POLR3A: variants seen among roughly 807,000 people sequenced by gnomAD.
The protein encoded by POLR3A is RNA polymerase III subunit A.
POLR3A carries 112 observed loss-of-function variants against 152.8 expected under a neutral mutation model. That is an observed-to-expected ratio of 0.73 (90% CI 0.63 to 0.86). The LOEUF (loss-of-function observed/expected upper bound fraction) is 0.86. POLR3A is among the 40% of genes least tolerant of loss of function. The pLI is 0.00. For synonymous variants in POLR3A, 615 were observed against 652.1 expected, an observed-to-expected ratio of 0.94 and a Z score of 0.87; for missense variants, 1,385 against 1,743.1, an observed-to-expected ratio of 0.79 and a Z score of 3.66.
rs1318884577 is a variant in POLR3A, at chr10:78,010,533, G to A, written c.1580C>T (p.Ala527Val). 1 of 1,613,704 alleles carries A rather than the reference G, an allele frequency of 6.2e-7. No individual in the cohort carries two copies. The highest frequency in any genetic ancestry group is 1.7e-5 in the Admixed American group (1 of 60,000). Residue 527 changes from alanine to valine, a missense_variant, in exon 12 of 31, where the codon GCA becomes GTA. Ala to Val is a moderately conservative substitution (Grantham distance 64, BLOSUM62 0). Coordinates refer to ENST00000372371, the MANE Select transcript of POLR3A (RefSeq NM_007055.4). ...CCCATTCCTCGGGGTTACAAGATTTGCTTTAGTCTGTAGGAAAAGTAAGCG... is the reference window on the plus strand; with the variant it reads ...CCCATTCCTCGGGGTTACAAGATTTACTTTAGTCTGTAGGAAAAGTAAGCG... Reference protein sequence around the residue: ...AEALVLMGTKANLVTPRNGEP... With the variant: ...AEALVLMGTKVNLVTPRNGEP...
intron 29 of POLR3A, among the ~76,000 whole-genome samples, chr10:77,980,704 A>G (rs1847133074): frequency 6.6e-6 from 1 of 152,244 alleles, no homozygotes; most frequent in South Asian, 2.1e-4. Flanking sequence ...AACAAGATGG[A>G]AAACATTTGT....
chr10:78,006,315 T>C (rs946403343), intron 15 of POLR3A, among the ~76,000 whole-genome samples: 2 of 145,470 alleles, frequency 1.4e-5, no homozygotes, highest in African/African-American at 5.2e-5. Context: ...GAGAATCACT[T>C]GAGCCTGGGA....
intron 2 of POLR3A, 73 bp from the exon 3 acceptor site, chr10:78,025,832 G>A: frequency 7.2e-7 from 1 of 1,384,776 alleles, no homozygotes; most frequent in Non-Finnish European, 1.0e-6. Flanking sequence ...ATCATGCCTG[G>A]CTGGTGACAC....
chr10:78,009,704 G>A, intron 13 of POLR3A, 29 bp from the exon 14 acceptor site: 1 of 1,614,182 alleles, frequency 6.2e-7, no homozygotes, highest in Non-Finnish European at 8.5e-7. Flanking sequence ...CTGAGAGTCA[G>A]TGGGCTGAGC....
chr10:78,001,233 T>C (rs893988477), intron 17 of POLR3A, 139 bp from the exon 18 acceptor site: 1 of 608,406 alleles, frequency 1.6e-6, no homozygotes, highest in South Asian at 1.5e-5. Context: ...AAGACAGAAA[T>C]ACAATCAAGA....
In POLR3A at chr10:77,985,358, G is replaced by T; in HGVS notation, c.3072-18C>A. On this transcript the variant is annotated intron_variant, in intron 23 of 30. Transcript: ENST00000372371. ...TCTGTGCCCTAGAAGGCAAAGGTAT[G>T]GATGAGATTGCAGCATGCCAAAGAA... 1 of 1,608,924 alleles carries T rather than the reference G, an allele frequency of 6.2e-7. No homozygotes were observed. Among genetic ancestry groups the T allele is most frequent in the South Asian group, 1.1e-5 (1 of 90,982 alleles).
intron 16 of POLR3A, 68 bp from the exon 17 acceptor site, chr10:78,002,376 C>G (rs953794061): frequency 2.9e-6 from 3 of 1,027,158 alleles, no homozygotes; most frequent in African/African-American, 3.2e-5. Flanking sequence ...AATGTTCAAT[C>G]TAACATTTAA....
chr10:78,015,703 G>T (rs1475588640), intron 10 of POLR3A, among the ~76,000 whole-genome samples: 2 of 152,110 alleles, frequency 1.3e-5, no homozygotes, highest in African/African-American at 4.8e-5. Flanking sequence ...CTGGAGTGCA[G>T]TGGCTATTTA....
At chr10:77,988,958 A>G (rs1847222742) in intron 21 of POLR3A, among the ~76,000 whole-genome samples, 1 of 152,202 alleles carries the variant, frequency 6.6e-6, no homozygotes, top group African/African-American at 2.4e-5. Context: ...ACACATAGGG[A>G]GTAAAATTAA....
chr10:77,993,155 C>G (rs1402516887), intron 20 of POLR3A, 42 bp downstream of exon 20: 1 of 1,503,618 alleles, frequency 6.7e-7, no homozygotes, highest in Non-Finnish European at 9.3e-7. Flanking sequence ...AAAGAAACAT[C>G]CTTAAAAACA....
chr10:78,022,523 T>C lies in POLR3A; in HGVS notation c.646-139A>G, dbSNP rs77263147. 0.015 allele frequency: 12,759 copies of C among 862,582 alleles called. 1,072 individuals are homozygous for C. The African/African-American group carries it at 0.18, about 12-fold the overall frequency. The allele number at this position is 862,582 out of a possible 1,614,324, so 53.4% of individuals were successfully genotyped here. ...ACAGAGATTTCTATGGATGATACGCTATGCTGCAAGAGCCTTAAAATTGTG... is the reference window on the plus strand; with the variant it reads ...ACAGAGATTTCTATGGATGATACGCCATGCTGCAAGAGCCTTAAAATTGTG... On this transcript the variant is annotated intron_variant, in intron 5 of 30. Coordinates refer to ENST00000372371, the MANE Select transcript of POLR3A (RefSeq NM_007055.4).
At chr10:78,014,772 C>T (rs1174623573) in intron 10 of POLR3A, among the ~76,000 whole-genome samples, 1 of 152,100 alleles carries the variant, frequency 6.6e-6, no homozygotes, top group Non-Finnish European at 1.5e-5. Context: ...GTTCTTACTT[C>T]CCAAAATCAC....
At chr10:78,025,378 T>C (rs546337713) in intron 3 of POLR3A, among the ~76,000 whole-genome samples, 1 of 152,330 alleles carries the variant, frequency 6.6e-6, no homozygotes, top group South Asian at 2.1e-4. Flanking sequence ...CTATTCTGTA[T>C]TGTTTGAATT....
At chr10:77,981,868 C>CAAAAAAAAA (rs60259976) in intron 28 of POLR3A, among the ~76,000 whole-genome samples, 24 of 63,506 alleles carry the variant, frequency 3.8e-4, no homozygotes, top group Non-Finnish European at 4.2e-4. Flanking sequence ...ACTAAAAATA[C>CAAAAAAAAA]AAAAAAAAAA....
At chr10:78,018,124 C>A (rs114567694) in intron 9 of POLR3A, among the ~76,000 whole-genome samples, 1,929 of 146,320 alleles carry the variant, frequency 0.013, 50 homozygotes, top group African/African-American at 0.047. Flanking sequence ...TGCAGTGAGC[C>A]ATGATTGTGC....
At chr10:78,025,955 G>A (rs531755499) in intron 2 of POLR3A, 139 bp downstream of exon 2, 64 of 1,224,256 alleles carry the variant, frequency 5.2e-5, no homozygotes, top group African/African-American at 3.3e-4. Flanking sequence ...ACTAAAGGCC[G>A]GAGTTCTTGA....
chr10:78,021,825 T>C, intron 7 of POLR3A, 35 bp downstream of exon 7: 4 of 1,612,270 alleles, frequency 2.5e-6, no homozygotes, highest in Non-Finnish European at 2.5e-6. Flanking sequence ...CCAAAGAGAG[T>C]GGGCTGGCTT....
At chr10:78,015,757 C>T (rs1040256737) in intron 10 of POLR3A, among the ~76,000 whole-genome samples, 1 of 152,110 alleles carries the variant, frequency 6.6e-6, no homozygotes, top group African/African-American at 2.4e-5. Context: ...CCCAGGCCCA[C>T]GTGATCCTTC....
intron 1 of POLR3A, among the ~76,000 whole-genome samples, chr10:78,028,476 G>A (rs943881662): frequency 6.6e-6 from 1 of 152,006 alleles, no homozygotes; most frequent in Non-Finnish European, 1.5e-5. Context: ...GGAATAACGC[G>A]CAGTATCCTC....
Sources: allele counts gnomAD v4.1 joint callset (sites outside exome capture counted in the v4.1 genomes callset), GRCh38; gene constraint gnomAD v4.1.1; transcripts MANE v1.5; gene names NCBI Gene and HGNC (gene_info 2026-07-23, HGNC 2026-07-21).